RBMS2: variants seen among roughly 807,000 people sequenced by gnomAD.
RBMS2 encodes RNA binding motif single stranded interacting protein 2.
RBMS2 carries 38 observed loss-of-function variants against 58.4 expected under a neutral mutation model. That is an observed-to-expected ratio of 0.65 (90% CI 0.50 to 0.85). The LOEUF is 0.85. Among genes scored for constraint, RBMS2 ranks in the 40% least tolerant of loss-of-function variants. The pLI, the probability that RBMS2 is intolerant of heterozygous loss-of-function variation, is 0.00. For missense variants in RBMS2, 367 were observed against 503.7 expected (o/e 0.73, Z 2.60); for synonymous variants, 151 against 180.7 (o/e 0.84, Z 1.32).
chr12:56,531,816 C>CAA (rs58967351), intron 1 of RBMS2, among the ~76,000 whole-genome samples: 68 of 88,290 alleles, frequency 7.7e-4, no homozygotes, highest in African/African-American at 2.3e-3. Flanking sequence ...GATTCCATTT[C>CAA]AAAAAAAAAA....
At chr12:56,559,347 G>A (rs1879920387) in intron 1 of RBMS2, among the ~76,000 whole-genome samples, 1 of 151,558 alleles carries the variant, frequency 6.6e-6, no homozygotes, top group East Asian at 2.0e-4. Context: ...CACTAAGCCT[G>A]GCTGATTTTT....
chr12:56,557,278 T>A (rs1879398074), intron 1 of RBMS2, among the ~76,000 whole-genome samples: 1 of 152,172 alleles, frequency 6.6e-6, no homozygotes, highest in African/African-American at 2.4e-5. Flanking sequence ...GTTTACAGGG[T>A]CTTTGTCTCC....
intron 5 of RBMS2, among the ~76,000 whole-genome samples, chr12:56,573,808 C>T (rs1288168504): frequency 3.3e-5 from 5 of 150,706 alleles, no homozygotes; most frequent in African/African-American, 7.3e-5. Flanking sequence ...CAGGTGCGTA[C>T]CACCACGCCT....
intron 1 of RBMS2, among the ~76,000 whole-genome samples, chr12:56,524,275 T>A (rs1294930745): frequency 6.6e-6 from 1 of 152,098 alleles, no homozygotes; most frequent in Non-Finnish European, 1.5e-5. Context: ...ACTAATGTAT[T>A]TGTCAATTCT....
At chr12:56,572,938 T>TC in intron 5 of RBMS2, 1 of 985,032 alleles carries the variant, frequency 1.0e-6, no homozygotes, top group South Asian at 4.7e-5. Flanking sequence ...CAGGTGCCCT[T>TC]CTTTGGGCTT....
At chr12:56,525,882 C>T (rs1313766384) in intron 1 of RBMS2, among the ~76,000 whole-genome samples, 4 of 149,592 alleles carry the variant, frequency 2.7e-5, no homozygotes, top group Admixed American at 6.7e-5. Flanking sequence ...AGGCTGTTCT[C>T]GAACTCCTGA....
At chr12:56,562,680 T>C in intron 2 of RBMS2, 97 bp downstream of exon 2, 1 of 1,316,490 alleles carries the variant, frequency 7.6e-7, no homozygotes, top group Non-Finnish European at 1.1e-6. Context: ...CTTGAACTCC[T>C]GGGCTCAAGT....
intron 9 of RBMS2, among the ~76,000 whole-genome samples, chr12:56,586,310 T>A (rs1315011013): frequency 6.7e-6 from 1 of 149,968 alleles, no homozygotes; most frequent in African/African-American, 2.5e-5. Context: ...CCAGCTTGGG[T>A]GACAGAGCAA....
chr12:56,520,718 A>C (rs1871643907), upstream of RBMS2, among the ~76,000 whole-genome samples: 1 of 152,092 alleles, frequency 6.6e-6, no homozygotes. Context: ...CTGTTGAAGC[A>C]TATGCTTCTT....
chr12:56,577,175 G>C (rs1394752283), intron 5 of RBMS2, among the ~76,000 whole-genome samples: 1 of 151,966 alleles, frequency 6.6e-6, no homozygotes, highest in East Asian at 1.9e-4. Context: ...AGGCCAAGGT[G>C]GGTGGATCAC....
rs973967909 is a variant in RBMS2, at chr12:56,596,027, G to A, written c.*6894G>A. 6.6e-6 allele frequency: 1 copy of A among 152,466 alleles called. No homozygotes were observed. Among genetic ancestry groups the A allele is most frequent in the Non-Finnish European group, 1.5e-5 (1 of 68,030 alleles). The allele number at this position is 152,466 out of a possible 1,614,324, so 9.4% of individuals were successfully genotyped here. ...ACATGGCAAAAACAGGAGTTTTTTC[G>A]CTAGACTTTTTTTTTCTTTTTAACC... On this transcript the variant is annotated 3_prime_UTR_variant, in exon 14 of 14. Coordinates refer to ENST00000262031, the MANE Select transcript of RBMS2 (RefSeq NM_002898.4).
At chr12:56,538,715 C>T (rs1379171024) in intron 1 of RBMS2, among the ~76,000 whole-genome samples, 2 of 151,616 alleles carry the variant, frequency 1.3e-5, no homozygotes, top group African/African-American at 2.4e-5. Flanking sequence ...CTCCTGACCT[C>T]GTGATCCACC....
Position 56,591,608 on chromosome 12 carries a change from GAGAA to G in RBMS2, c.*2479_*2482del, listed in dbSNP as rs1885310548. 1 of 152,058 alleles carries G rather than the reference GAGAA, an allele frequency of 6.6e-6. No individual in the cohort carries two copies. The highest frequency in any genetic ancestry group is 1.5e-5 in the Non-Finnish European group (1 of 68,020). The allele number at this position is 152,058 out of a possible 1,614,324, so 9.4% of individuals were successfully genotyped here. On this transcript the variant is annotated 3_prime_UTR_variant, in exon 14 of 14. Transcript: ENST00000262031. ...CTGCTTTCTTGTCAGTGGCCTTTGA[GAGAA>G]AGAGAAAACAAATCTAGAATTCTGT...
chr12:56,552,813 G>C (rs1472707032), intron 1 of RBMS2, among the ~76,000 whole-genome samples: 2 of 151,564 alleles, frequency 1.3e-5, no homozygotes, highest in Non-Finnish European at 2.9e-5. Context: ...CTGCACTCCA[G>C]CCTGGGTGAC....
upstream of RBMS2, among the ~76,000 whole-genome samples, chr12:56,521,111 CTGTT>C (rs1871671913): frequency 6.6e-6 from 1 of 152,092 alleles, no homozygotes; most frequent in Admixed American, 6.6e-5. Flanking sequence ...GTGTGTTCCT[CTGTT>C]TGTTCCTTTG....
intron 1 of RBMS2, 84 bp downstream of exon 1, chr12:56,522,173 A>G (rs1871827939): frequency 2.6e-6 from 3 of 1,162,026 alleles, no homozygotes; most frequent in Admixed American, 2.1e-5. Flanking sequence ...TTCTTTTTAA[A>G]GAGGGGAAGG....
chr12:56,542,210 C>G (rs1426786983), intron 1 of RBMS2, among the ~76,000 whole-genome samples: 3 of 147,410 alleles, frequency 2.0e-5, no homozygotes, highest in Non-Finnish European at 4.5e-5. Context: ...TGCCACCATG[C>G]CCAGCTAATT....
At chr12:56,560,447 G>A (rs1433816966) in intron 1 of RBMS2, among the ~76,000 whole-genome samples, 1 of 150,536 alleles carries the variant, frequency 6.6e-6, no homozygotes, top group Non-Finnish European at 1.5e-5. Flanking sequence ...AATAGACAGG[G>A]TTTCACCTGT....
chr12:56,584,527 T>A (rs1362088494), intron 9 of RBMS2, among the ~76,000 whole-genome samples: 2 of 152,036 alleles, frequency 1.3e-5, no homozygotes, highest in Admixed American at 1.3e-4. Context: ...GGCTCACGCC[T>A]ATAATCCCAG....
Sources: gnomAD v4.1 joint callset for allele counts (sites outside exome capture counted in the v4.1 genomes callset) on GRCh38, gnomAD v4.1.1 for gene constraint, MANE v1.5 for transcripts, NCBI Gene and HGNC (gene_info 2026-07-23, HGNC 2026-07-21) for gene names.